Variants in DSCAM observed in about 807,000 individuals in gnomAD.
The protein encoded by DSCAM is DS cell adhesion molecule.
In DSCAM, 47 loss-of-function variants were observed where a neutral mutation model predicts 217.7. The observed-to-expected ratio is 0.22, with a 90% CI of 0.17 to 0.28. The LOEUF is 0.28. DSCAM is among the 10% of genes least tolerant of loss of function. The pLI, the probability that DSCAM is intolerant of heterozygous loss-of-function variation, is 1.00. For missense variants in DSCAM, 2,080 were observed against 2,618.3 expected, an observed-to-expected ratio of 0.79 and a Z score of 4.49; for synonymous variants, 1,056 against 1,015.3, an observed-to-expected ratio of 1.04 and a Z score of -0.76.
At chr21:40,780,884 T>C in intron 1 of DSCAM, among the ~76,000 whole-genome samples, 1 of 152,242 alleles carries the variant, frequency 6.6e-6, no homozygotes, top group Non-Finnish European at 1.5e-5. Context: ...TTGAATTGTT[T>C]ATGTACACTA....
intron 3 of DSCAM, among the ~76,000 whole-genome samples, chr21:40,485,106 CCT>C (rs901629972): frequency 2.2e-4 from 33 of 152,256 alleles, no homozygotes; most frequent in Non-Finnish European, 3.8e-4. Context: ...CAATTTCTGG[CCT>C]CACTGACAAC....
intron 28 of DSCAM, among the ~76,000 whole-genome samples, chr21:40,059,423 C>A (rs2089079608): frequency 6.6e-6 from 1 of 152,144 alleles, no homozygotes; most frequent in Non-Finnish European, 1.5e-5. Context: ...TGCAGTCTCT[C>A]TTCTCTGGGG....
chr21:40,288,645 G>A (rs372048272), intron 10 of DSCAM, among the ~76,000 whole-genome samples: 28 of 152,262 alleles, frequency 1.8e-4, no homozygotes, highest in Middle Eastern at 3.4e-3. Context: ...ATAAGGTATC[G>A]CAAATGAAAA....
chr21:40,517,267 T>C (rs950971826), intron 3 of DSCAM, among the ~76,000 whole-genome samples: 1 of 149,824 alleles, frequency 6.7e-6, no homozygotes, highest in Admixed American at 6.7e-5. Context: ...ATACCTTATA[T>C]ATTTATATTT....
intron 20 of DSCAM, among the ~76,000 whole-genome samples, chr21:40,108,457 A>G (rs2089850348): frequency 6.6e-6 from 1 of 152,214 alleles, no homozygotes; most frequent in Non-Finnish European, 1.5e-5. Context: ...ATGGTGAGAG[A>G]TCCCTACAAG....
intron 11 of DSCAM, among the ~76,000 whole-genome samples, chr21:40,209,166 T>C (rs2091157101): frequency 1.3e-5 from 2 of 152,240 alleles, no homozygotes; most frequent in Non-Finnish European, 1.5e-5. Flanking sequence ...GTTGCCATGG[T>C]TGATGAAGTG....
At chr21:40,634,656 A>C (rs1273372421) in intron 3 of DSCAM, among the ~76,000 whole-genome samples, 1 of 152,222 alleles carries the variant, frequency 6.6e-6, no homozygotes, top group African/African-American at 2.4e-5. Flanking sequence ...AAATCTAAAA[A>C]GAAATATTTG....
intron 1 of DSCAM, among the ~76,000 whole-genome samples, chr21:40,718,694 C>A (rs2090869829): frequency 6.6e-6 from 1 of 152,068 alleles, no homozygotes; most frequent in Non-Finnish European, 1.5e-5. Context: ...GTGTAAAGAA[C>A]AAGAAGAGAC....
chr21:40,403,635 A>G lies in DSCAM; in HGVS notation c.509-34390T>C, dbSNP rs956138411. Among the ~76,000 whole-genome samples, 12 of 142,624 alleles carry G rather than the reference A, an allele frequency of 8.4e-5. 1 individual carries two copies. In the South Asian group the frequency reaches 1.1e-3, roughly 13 times the overall value. 93.6% of individuals were successfully genotyped at this position (142,624 alleles called of 152,430 possible). On this transcript the variant is annotated intron_variant, in intron 3 of 32. Transcript: ENST00000400454. ...TGTATGCAAGCATGCATGTGCACAC[A>G]CACACACACACACACACACACACAC...
intron 1 of DSCAM, among the ~76,000 whole-genome samples, chr21:40,754,036 A>G (rs1015898797): frequency 5.3e-5 from 8 of 152,180 alleles, no homozygotes; most frequent in Non-Finnish European, 1.2e-4. Flanking sequence ...ACCTATGAAC[A>G]TGACAGTGAC....
intron 1 of DSCAM, among the ~76,000 whole-genome samples, chr21:40,799,152 G>A (rs185622005): frequency 1.3e-5 from 2 of 152,184 alleles, no homozygotes; most frequent in East Asian, 3.9e-4. Flanking sequence ...GCCTGTGTTT[G>A]TAAGTAACAT....
At chr21:40,631,153 T>C (rs2089686350) in intron 3 of DSCAM, among the ~76,000 whole-genome samples, 1 of 152,198 alleles carries the variant, frequency 6.6e-6, no homozygotes, top group Admixed American at 6.5e-5. Context: ...TCGTATTATC[T>C]TATACGTGGC....
At chr21:40,311,279 T>C (rs1377049044) in intron 9 of DSCAM, among the ~76,000 whole-genome samples, 1 of 152,212 alleles carries the variant, frequency 6.6e-6, no homozygotes, top group Non-Finnish European at 1.5e-5. Context: ...AATATTGTAA[T>C]GGTAGATTAA....
chr21:40,600,558 C>T (rs546328437), intron 3 of DSCAM, among the ~76,000 whole-genome samples: 5 of 152,270 alleles, frequency 3.3e-5, no homozygotes, highest in Admixed American at 6.5e-5. Flanking sequence ...TCCTTTCATT[C>T]GTCATACTTT....
chr21:40,715,170 A>T lies in DSCAM; in HGVS notation c.44-6399T>A, dbSNP rs899484400. Among the ~76,000 whole-genome samples the T allele has an allele frequency of 2.6e-5, 4 of 152,218 alleles. No homozygotes were observed. In the East Asian group the frequency reaches 7.7e-4, roughly 29 times the overall value. The stretch of plus-strand genomic sequence containing the variant: ...GTAGCAGAAAATGAACCAAGACAAC[A>T]ATTCACGAAAGTTTCACTCTTCACA... On this transcript the variant is annotated intron_variant, in intron 1 of 32. Coordinates refer to ENST00000400454, the MANE Select transcript of DSCAM (RefSeq NM_001389.5).
intron 3 of DSCAM, among the ~76,000 whole-genome samples, chr21:40,482,590 A>G (rs1378848357): frequency 6.6e-6 from 1 of 152,252 alleles, no homozygotes; most frequent in East Asian, 1.9e-4. Context: ...AAAACCAGAG[A>G]AATCACTACA....
chr21:40,321,120 A>G (rs1569062034), intron 8 of DSCAM, among the ~76,000 whole-genome samples: 1 of 152,204 alleles, frequency 6.6e-6, no homozygotes, highest in Non-Finnish European at 1.5e-5. Flanking sequence ...TCTCTTACTA[A>G]TCATACGCTA....
At chr21:40,626,152 A>G (rs2089597972) in intron 3 of DSCAM, among the ~76,000 whole-genome samples, 1 of 152,134 alleles carries the variant, frequency 6.6e-6, no homozygotes, top group South Asian at 2.1e-4. Context: ...GAAATGCCAA[A>G]TCGCATCACA....
intron 3 of DSCAM, among the ~76,000 whole-genome samples, chr21:40,570,083 T>TC (rs977324078): frequency 6.6e-5 from 10 of 151,936 alleles, no homozygotes; most frequent in African/African-American, 2.2e-4. Context: ...AAAAGAGATC[T>TC]CCCCAGGTAC....
Sources: allele counts gnomAD v4.1 joint callset (sites outside exome capture counted in the v4.1 genomes callset), GRCh38; gene constraint gnomAD v4.1.1; transcripts MANE v1.5; gene names NCBI Gene and HGNC (gene_info 2026-07-23, HGNC 2026-07-21).